The following PARD3 variants were observed in gnomAD, a reference collection of about 807,000 sequenced individuals.
PARD3 encodes the protein par-3 family cell polarity regulator, also known as partitioning defective 3 homolog.
In PARD3, 75 loss-of-function variants were observed where a neutral mutation model predicts 155.4. The observed-to-expected ratio is 0.48, with a 90% confidence interval of 0.40 to 0.58. PARD3 has a LOEUF of 0.58. Among genes scored for constraint, PARD3 ranks in the 20% least tolerant of loss-of-function variants. PARD3 has a pLI of 0.00. For missense variants in PARD3, 1,642 were observed against 1,721.7 expected, an observed-to-expected ratio of 0.95 and a Z score of 0.82; for synonymous variants, 576 against 610.5, an observed-to-expected ratio of 0.94 and a Z score of 0.83.
chr10:34,630,619 T>G (rs2092221263), intron 2 of PARD3, among the ~76,000 whole-genome samples: 1 of 151,562 alleles, frequency 6.6e-6, no homozygotes, highest in Non-Finnish European at 1.5e-5. Context: ...CCTGGCTAAT[T>G]TTTGTATTTT....
intron 2 of PARD3, among the ~76,000 whole-genome samples, chr10:34,687,846 CTTTT>C (rs397846339): frequency 5.5e-4 from 35 of 63,708 alleles, no homozygotes; most frequent in Middle Eastern, 0.018. Flanking sequence ...CACCTGAAAT[CTTTT>C]TTTTTTTTTT....
rs116112192 is a variant in PARD3, at chr10:34,566,426, C to T, written c.223-49267G>A. ...TCATAACTTGGTCTTTTCTGACCTG[C>T]AAGTGCAAAGATACCCTGGGGGAAG... On this transcript the variant is annotated intron_variant, in intron 2 of 24. Coordinates refer to ENST00000374788, the MANE Select transcript of PARD3 (RefSeq NM_001184785.2). Among the ~76,000 whole-genome samples the T allele has an allele frequency of 4.2e-3, 642 of 152,272 alleles. 5 individuals are homozygous for T. Among genetic ancestry groups the T allele is most frequent in the African/African-American group, 0.015 (614 of 41,546 alleles).
At chr10:34,507,549 A>AAAAAAAAAAAAAAAAAAAAAAAAAAAAC (rs1564790855) in intron 3 of PARD3, among the ~76,000 whole-genome samples, 1 of 107,818 alleles carries the variant, frequency 9.3e-6, no homozygotes, top group African/African-American at 4.1e-5. Context: ...TTAAAAAAAC[A>AAAAAAAAAAAAAAAAAAAAAAAAAAAAC]AAAAAAAAAA....
chr10:34,436,349 C>A (rs2076186606), intron 5 of PARD3, among the ~76,000 whole-genome samples: 1 of 152,150 alleles, frequency 6.6e-6, no homozygotes, highest in Non-Finnish European at 1.5e-5. Context: ...TTGGCCAACT[C>A]CATCAACAGC....
At chr10:34,441,495 A>G (rs563086970) in intron 5 of PARD3, among the ~76,000 whole-genome samples, 9 of 152,354 alleles carry the variant, frequency 5.9e-5, no homozygotes, top group African/African-American at 1.9e-4. Context: ...TTGGAGGGAC[A>G]GGTTTCCAAC....
chr10:34,394,474 T>A (rs1451674615), intron 7 of PARD3, among the ~76,000 whole-genome samples: 1 of 152,146 alleles, frequency 6.6e-6, no homozygotes, highest in Admixed American at 6.5e-5. Context: ...CATAGGTGTA[T>A]GCCAGCACAC....
At chr10:34,790,689 T>C (rs1042737653) in intron 1 of PARD3, among the ~76,000 whole-genome samples, 2 of 152,284 alleles carry the variant, frequency 1.3e-5, no homozygotes, top group African/African-American at 4.8e-5. Context: ...AAAAGTTTTA[T>C]TGTAAGATTT....
chr10:34,805,271 C>T lies in PARD3; in HGVS notation c.120+9605G>A, dbSNP rs529147159. On this transcript the variant is annotated intron_variant, in intron 1 of 24. Transcript: ENST00000374788. ...ACTCGGAAGGCTGAGACAGGAGAATCGCTTGAACCCAGGAGGCAGAGGTTG... is the reference window on the plus strand; with the variant it reads ...ACTCGGAAGGCTGAGACAGGAGAATTGCTTGAACCCAGGAGGCAGAGGTTG... Among the ~76,000 whole-genome samples, 4 of 152,074 alleles carry T rather than the reference C, an allele frequency of 2.6e-5. No individual in the cohort carries two copies. The East Asian group carries it at 7.8e-4, about 29-fold the overall frequency.
intron 4 of PARD3, among the ~76,000 whole-genome samples, chr10:34,455,169 C>T (rs540687114): frequency 3.3e-5 from 5 of 152,112 alleles, no homozygotes. Flanking sequence ...CACAGGAAAC[C>T]CAACTATGTT....
intron 2 of PARD3, among the ~76,000 whole-genome samples, chr10:34,579,268 CAA>C (rs11463688): frequency 5.9e-5 from 8 of 136,162 alleles, no homozygotes; most frequent in Non-Finnish European, 8.1e-5. Flanking sequence ...AGACTGGTCT[CAA>C]AAAAAAAAAA....
chr10:34,205,372 T>C (rs1485993209), intron 22 of PARD3, among the ~76,000 whole-genome samples: 2 of 152,166 alleles, frequency 1.3e-5, no homozygotes, highest in South Asian at 2.1e-4. Flanking sequence ...GCATGCTAGA[T>C]AGGCCGGGTG....
rs766660013 is a variant in PARD3 at position 34,516,997 on chromosome 10, G to A, written c.385C>T (p.Pro129Ser). 5 of 1,614,108 alleles carry A rather than the reference G, an allele frequency of 3.1e-6. No individual in the cohort carries two copies. Among genetic ancestry groups the A allele is most frequent in the South Asian group, 1.1e-5 (1 of 91,062 alleles). Residue 129 changes from proline (P) to serine (S), a missense_variant, in exon 3 of 25, where the codon CCT becomes TCT. Pro to Ser is a moderately conservative substitution (Grantham distance 74). This residue lies in a region of PARD3 where 1,529 missense variants were observed against 1,587.3 expected (regional missense o/e 0.96). Transcript: ENST00000374788. ...CACTTACTTGCTCGAAGGACTGAAG[G>A]TGTGACCTCAATTTCACTTGTTGCT... Reference protein sequence around the residue: ...YQATSEIEVTPSVLRANMPLH... With the variant: ...YQATSEIEVTSSVLRANMPLH...
chr10:34,688,203 C>A (rs942382712), intron 2 of PARD3, among the ~76,000 whole-genome samples: 4 of 152,028 alleles, frequency 2.6e-5, no homozygotes, highest in Admixed American at 1.3e-4. Context: ...GACTGGCCTG[C>A]GCAGGAACTG....
chr10:34,379,052 T>TA (rs1342167424), intron 9 of PARD3, among the ~76,000 whole-genome samples: 1 of 152,144 alleles, frequency 6.6e-6, no homozygotes, highest in Non-Finnish European at 1.5e-5. Context: ...TAAGCTTTTT[T>TA]AAAAAGTTAC....
chr10:34,110,191 A>G lies in PARD3; in HGVS notation c.*978T>C, dbSNP rs1368061373. The G allele has an allele frequency of 6.6e-6, 1 of 152,246 alleles. No individual in the cohort carries two copies. Among genetic ancestry groups the G allele is most frequent in the East Asian group, 1.9e-4 (1 of 5,198 alleles). The allele number at this position is 152,246 out of a possible 1,614,324, so 9.4% of individuals were successfully genotyped here. ...GTGTGGATGCATTAGACAAGCATCA[A>G]TTGCCTCTGACTTGAAAAACCGTAG... is the stretch of plus-strand genomic sequence containing the variant. On this transcript the variant is annotated 3_prime_UTR_variant, in exon 25 of 25. Coordinates refer to ENST00000374788, the MANE Select transcript of PARD3 (RefSeq NM_001184785.2).
chr10:34,487,923 C>T (rs986847891), intron 3 of PARD3, among the ~76,000 whole-genome samples: 3 of 152,146 alleles, frequency 2.0e-5, no homozygotes, highest in African/African-American at 7.2e-5. Flanking sequence ...ATGCTCAATG[C>T]CCTCTCCTTT....
At chr10:34,665,372 TA>T (rs200801482) in intron 2 of PARD3, among the ~76,000 whole-genome samples, 2 of 147,880 alleles carry the variant, frequency 1.4e-5, no homozygotes, top group Non-Finnish European at 3.0e-5. Flanking sequence ...CAAAAAAAAA[TA>T]GCCAGGCGTG....
chr10:34,385,355 C>A (rs1842249330), intron 7 of PARD3, among the ~76,000 whole-genome samples: 1 of 152,078 alleles, frequency 6.6e-6, no homozygotes, highest in East Asian at 1.9e-4. Context: ...AGGCTGGTCT[C>A]AAACTCCTGA....
chr10:34,416,255 C>A (rs965151751), intron 5 of PARD3, among the ~76,000 whole-genome samples: 1 of 152,118 alleles, frequency 6.6e-6, no homozygotes, highest in African/African-American at 2.4e-5. Context: ...GCAGAGAGAG[C>A]CCCACAATAA....
Sources: gnomAD v4.1 joint callset for allele counts (sites outside exome capture counted in the v4.1 genomes callset) on GRCh38, gnomAD v4.1.1 for gene constraint, gnomAD v4.1.1 regional missense constraint, MANE v1.5 for transcripts, NCBI Gene and HGNC (gene_info 2026-07-23, HGNC 2026-07-21) for gene names.